The following EIF3A variants were observed in gnomAD, a reference collection of about 807,000 sequenced individuals.
EIF3A encodes EIF3, p180 subunit.
A neutral mutation model predicts 186.6 loss-of-function variants in EIF3A; 21 were observed. That is an observed-to-expected ratio of 0.11 (90% confidence interval 0.08 to 0.16). The LOEUF (loss-of-function observed/expected upper bound fraction) is 0.16. EIF3A is among the 10% of genes least tolerant of loss of function. The pLI is 1.00. For synonymous variants in EIF3A, 563 were observed against 584.3 expected, an observed-to-expected ratio of 0.96 and a Z score of 0.52; for missense variants, 1,306 against 1,796.3, an observed-to-expected ratio of 0.73 and a Z score of 4.93.
chr10:119,037,719 A>C (rs959687181), intron 20 of EIF3A, among the ~76,000 whole-genome samples: 19 of 152,072 alleles, frequency 1.2e-4, no homozygotes, highest in Non-Finnish European at 7.4e-5. Flanking sequence ...AACAAGCTAG[A>C]ACTTCTACTA....
chr10:119,045,297 A>G (rs570029425), intron 17 of EIF3A, among the ~76,000 whole-genome samples: 1 of 152,280 alleles, frequency 6.6e-6, no homozygotes, highest in Non-Finnish European at 1.5e-5. Flanking sequence ...CTAAAATAAC[A>G]ACTAGAGATG....
intron 6 of EIF3A, among the ~76,000 whole-genome samples, chr10:119,066,340 C>A (rs534646873): frequency 2.2e-4 from 33 of 150,806 alleles, no homozygotes; most frequent in African/African-American, 7.6e-4. Context: ...GAAACCCCAT[C>A]TCTACTAAAA....
In EIF3A at chr10:119,059,776, G is replaced by C; in HGVS notation, c.1327-58C>G. ...CCACTGTTTATTCAGCACTTTTTAT[G>C]TGCAATCTCATGACAGTCATGGGAA... On this transcript the variant is annotated intron_variant, in intron 9 of 21. Coordinates refer to ENST00000369144, the MANE Select transcript of EIF3A (RefSeq NM_003750.4). 1.2e-5 allele frequency: 13 copies of C among 1,100,928 alleles called. No homozygotes were observed. The South Asian group carries it at 1.6e-4, about 14-fold the overall frequency. The allele number at this position is 1,100,928 out of a possible 1,614,324, so 68.2% of individuals were successfully genotyped here.
rs767779773 is a variant in EIF3A at position 119,073,930 on chromosome 10, A to C, written c.57T>G (p.Leu19=). The C allele has an allele frequency of 1.3e-6, 2 of 1,590,956 alleles. No individual in the cohort carries two copies. Among genetic ancestry groups the C allele is most frequent in the South Asian group, 1.1e-5 (1 of 87,808 alleles). The part of the protein sequence containing the change: ...ENALKRANEF[L]EVGKKQPALD... ...GAGCAGGCTGCTTTTTGCCAACCTCAAGAAATTCTGAAAAATTCAGAAGAA... is the reference window on the plus strand; with the variant it reads ...GAGCAGGCTGCTTTTTGCCAACCTCCAGAAATTCTGAAAAATTCAGAAGAA... Residue 19 remains leucine, a synonymous_variant, in exon 2 of 22, where the codon CTT becomes CTG. Transcript: ENST00000369144.
rs774812566 is a variant in EIF3A, at chr10:119,056,814, G to T, written c.2122C>A (p.Pro708Thr). ...FERAKRLEEI[P>T]LIKSAYEEQR... ...TCCTCGTAAGCGCTCTTTATCAAAG[G>T]AATTTCTTCCAAACGTTTGGCTCTT... The change falls in exon 14 of 22, where the codon CCT (proline) becomes ACT (threonine). Residue 708 changes from proline to threonine, a missense_variant. Transcript: ENST00000369144. 2 of 1,613,674 alleles carry T rather than the reference G, an allele frequency of 1.2e-6. No individual in the cohort carries two copies. The highest frequency in any genetic ancestry group is 1.1e-5 in the South Asian group (1 of 91,068).
chr10:119,043,554 G>A (rs113144594), intron 18 of EIF3A, among the ~76,000 whole-genome samples: 1 of 152,102 alleles, frequency 6.6e-6, no homozygotes, highest in African/African-American at 2.4e-5. Context: ...GGTTGAGGCT[G>A]TAGTGAGCCG....
chr10:119,060,127 T>G (rs1181323147), intron 9 of EIF3A: 1 of 503,254 alleles, frequency 2.0e-6, no homozygotes, highest in Non-Finnish European at 3.9e-6. Flanking sequence ...AGCAGGTCAA[T>G]GAAATGTGCA....
At chr10:119,062,059 T>TA (rs1843897048) in intron 7 of EIF3A, among the ~76,000 whole-genome samples, 2 of 152,288 alleles carry the variant, frequency 1.3e-5, no homozygotes, top group Non-Finnish European at 1.5e-5. Flanking sequence ...GGTCTAAGGT[T>TA]AACTCTAATG....
At chr10:119,068,701 C>T (rs1163412701) in intron 6 of EIF3A, among the ~76,000 whole-genome samples, 11 of 151,292 alleles carry the variant, frequency 7.3e-5, no homozygotes, top group Non-Finnish European at 1.2e-4. Context: ...ACAAGTCAGG[C>T]GCGGTGGCTC....
chr10:119,067,619 A>G (rs1844002324), intron 6 of EIF3A, among the ~76,000 whole-genome samples: 1 of 152,254 alleles, frequency 6.6e-6, no homozygotes, highest in Non-Finnish European at 1.5e-5. Flanking sequence ...CGTATCAGAA[A>G]GCAAAGACAT....
In EIF3A at chr10:119,080,680, G is replaced by A; in HGVS notation, c.-4C>T. ...GCCTCTGAAAATAGGCCGGCATCTTGGCGGCAGGCTCAGCTCACCCGGCGT... is the reference window on the plus strand; with the variant it reads ...GCCTCTGAAAATAGGCCGGCATCTTAGCGGCAGGCTCAGCTCACCCGGCGT... On this transcript the variant is annotated 5_prime_UTR_variant, in exon 1 of 22. Coordinates refer to ENST00000369144, the MANE Select transcript of EIF3A (RefSeq NM_003750.4). 1 of 1,594,040 alleles carries A rather than the reference G, an allele frequency of 6.3e-7. No homozygotes were observed. Among genetic ancestry groups the A allele is most frequent in the Non-Finnish European group, 8.5e-7 (1 of 1,171,630 alleles).
chr10:119,041,874 TGAAG>T (rs1471773366), intron 19 of EIF3A, 116 bp downstream of exon 19: 7 of 1,110,438 alleles, frequency 6.3e-6, no homozygotes, highest in Non-Finnish European at 9.0e-6. Context: ...CAAATGATAC[TGAAG>T]GAAAGATGAA....
intron 14 of EIF3A, among the ~76,000 whole-genome samples, chr10:119,056,394 T>C (rs1245044103): frequency 6.6e-6 from 1 of 152,148 alleles, no homozygotes; most frequent in Non-Finnish European, 1.5e-5. Flanking sequence ...TAGAACTTCT[T>C]TTTGAGACGT....
intron 9 of EIF3A, 30 bp from the exon 10 acceptor site, chr10:119,059,748 T>A: frequency 7.2e-7 from 1 of 1,395,562 alleles, no homozygotes; most frequent in Non-Finnish European, 1.0e-6. Flanking sequence ...TTAATAACAC[T>A]AGCCACTGTT....
chr10:119,065,842 C>T (rs543804642), intron 6 of EIF3A, among the ~76,000 whole-genome samples: 52 of 152,232 alleles, frequency 3.4e-4, no homozygotes, highest in Non-Finnish European at 5.0e-4. Context: ...ATTGACCAGG[C>T]GCGGTGGCTC....
chr10:119,048,671 CTT>C (rs745492259), intron 17 of EIF3A, among the ~76,000 whole-genome samples: 3 of 145,098 alleles, frequency 2.1e-5, no homozygotes, highest in African/African-American at 5.0e-5. Flanking sequence ...ATTCACGATT[CTT>C]TTTTTTTTTT....
rs1026277341 is a variant in EIF3A at position 119,074,138 on chromosome 10, C to T, written c.50-201G>A. On this transcript the variant is annotated intron_variant, in intron 1 of 21. Coordinates refer to ENST00000369144, the MANE Select transcript of EIF3A (RefSeq NM_003750.4). ...CTGTACTGTGTTGAAATATGATCTA[C>T]AAGTAAAACTGAATCACTGTATTCC... Among the ~76,000 whole-genome samples the T allele has an allele frequency of 2.0e-4, 6 of 30,466 alleles. No homozygotes were observed. The South Asian group carries it at 0.012, about 61-fold the overall frequency. The allele number at this position is 30,466 out of a possible 152,430, so 20.0% of individuals were successfully genotyped here.
intron 17 of EIF3A, among the ~76,000 whole-genome samples, chr10:119,049,271 C>T (rs997175794): frequency 1.6e-4 from 24 of 152,136 alleles, no homozygotes; most frequent in African/African-American, 5.1e-4. Flanking sequence ...ACCAACCTGG[C>T]CAACATGGTG....
At chr10:119,044,323 G>A (rs1848254579) in intron 17 of EIF3A, among the ~76,000 whole-genome samples, 181 bp from the exon 18 acceptor site, 1 of 151,936 alleles carries the variant, frequency 6.6e-6, no homozygotes, top group Admixed American at 6.5e-5. Context: ...GAAACTGGTA[G>A]TCTCATATAT....
Sources: allele counts gnomAD v4.1 joint callset (sites outside exome capture counted in the v4.1 genomes callset), GRCh38; gene constraint gnomAD v4.1.1; transcripts MANE v1.5; gene names NCBI Gene and HGNC (gene_info 2026-07-23, HGNC 2026-07-21).